Variants in ST8SIA6 observed in about 807,000 individuals in gnomAD.
ST8SIA6 encodes the protein ST8 alpha-N-acetyl-neuraminide alpha-2,8-sialyltransferase 6.
A neutral mutation model predicts 33.6 loss-of-function variants in ST8SIA6; 39 were observed. The ratio of observed to expected loss-of-function variants is 1.16; its 90% CI spans 0.90 to 1.52. The LOEUF (loss-of-function observed/expected upper bound fraction) is 1.52, where lower values mean the gene tolerates loss of function less well. Among genes scored for constraint, ST8SIA6 ranks in the 40% most tolerant of loss-of-function variants. The pLI, the probability that ST8SIA6 is intolerant of heterozygous loss-of-function variation, is 0.00. For missense variants in ST8SIA6, 441 were observed against 443.8 expected (o/e 0.99, Z 0.06); for synonymous variants, 172 against 167.2 (o/e 1.03, Z -0.22).
At chr10:17,363,461 A>G (rs567900965) in intron 3 of ST8SIA6, among the ~76,000 whole-genome samples, 4 of 152,326 alleles carry the variant, frequency 2.6e-5, no homozygotes, top group Admixed American at 6.5e-5. Context: ...GCTTGGTAGT[A>G]GTGATGTAAC....
intron 2 of ST8SIA6, among the ~76,000 whole-genome samples, chr10:17,415,734 A>C (rs924816661): frequency 1.4e-5 from 2 of 144,946 alleles, no homozygotes; most frequent in African/African-American, 2.6e-5. Flanking sequence ...GGGCTCTCTC[A>C]CCCAACATGG....
At position 17,317,396 on chromosome 10, in the gene ST8SIA6, T is replaced by A. The variant is rs1283551639; in HGVS notation, c.*3482A>T. On this transcript the variant is annotated 3_prime_UTR_variant, in exon 8 of 8. Transcript: ENST00000377602. ...GGGATCAGCCTTCTGAAGCCACATG[T>A]AAATAGGAAATCTTCAACACTCCTA... Among the ~76,000 whole-genome samples, 1 of 152,150 alleles carries A rather than the reference T, an allele frequency of 6.6e-6. No homozygotes were observed. Among genetic ancestry groups the A allele is most frequent in the Non-Finnish European group, 1.5e-5 (1 of 68,016 alleles).
chr10:17,421,786 C>T (rs962590100), intron 2 of ST8SIA6, among the ~76,000 whole-genome samples: 1 of 152,124 alleles, frequency 6.6e-6, no homozygotes, highest in Non-Finnish European at 1.5e-5. Flanking sequence ...AGGCTGGTCT[C>T]AAACTCCTGA....
At chr10:17,407,878 G>C (rs1006600815) in intron 2 of ST8SIA6, 1 of 152,426 alleles carries the variant, frequency 6.6e-6, no homozygotes, top group Admixed American at 6.5e-5. Context: ...AGAAGGGTTT[G>C]TGGGAAAAGC....
intron 2 of ST8SIA6, among the ~76,000 whole-genome samples, chr10:17,422,602 A>C (rs552555294): frequency 6.6e-6 from 1 of 152,200 alleles, no homozygotes; most frequent in Non-Finnish European, 1.5e-5. Context: ...GACATTGTCA[A>C]GGTTCAAGAC....
At chr10:17,386,781 C>A (rs1850370768) in intron 3 of ST8SIA6, among the ~76,000 whole-genome samples, 1 of 152,156 alleles carries the variant, frequency 6.6e-6, no homozygotes, top group African/African-American at 2.4e-5. Flanking sequence ...TTTACAGTCT[C>A]CCGTAAACAG....
chr10:17,453,988 T>C (rs1482614054), intron 1 of ST8SIA6, among the ~76,000 whole-genome samples, 167 bp downstream of exon 1: 1 of 151,900 alleles, frequency 6.6e-6, no homozygotes, highest in African/African-American at 2.4e-5. Flanking sequence ...GTCGCCTCCC[T>C]GCGACCCCCT....
chr10:17,333,853 A>C (rs1392823192), intron 4 of ST8SIA6, among the ~76,000 whole-genome samples: 1 of 147,776 alleles, frequency 6.8e-6, no homozygotes, highest in African/African-American at 2.5e-5. Context: ...TCCTGAGTAG[A>C]TGGGACTAAA....
At chr10:17,386,674 A>C (rs1588872085) in intron 3 of ST8SIA6, among the ~76,000 whole-genome samples, 1 of 152,232 alleles carries the variant, frequency 6.6e-6, no homozygotes, top group South Asian at 2.1e-4. Context: ...AGTGTGGAGC[A>C]ACAGGCAGTT....
chr10:17,450,348 T>C (rs1852860983), intron 2 of ST8SIA6, among the ~76,000 whole-genome samples: 1 of 152,198 alleles, frequency 6.6e-6, no homozygotes, highest in South Asian at 2.1e-4. Flanking sequence ...CATCACCCTG[T>C]AGATTAGAAG....
intron 4 of ST8SIA6, among the ~76,000 whole-genome samples, chr10:17,333,704 T>TATATATAGATATATATATATAG (rs1564405023): frequency 8.3e-4 from 25 of 30,056 alleles, no homozygotes; most frequent in African/African-American, 3.9e-3. Context: ...TATATATATA[T>TATATATAGATATATATATATAG]ATATATATAT....
chr10:17,343,483 A>G (rs1301269390), intron 4 of ST8SIA6, among the ~76,000 whole-genome samples: 1 of 152,220 alleles, frequency 6.6e-6, no homozygotes, highest in African/African-American at 2.4e-5. Context: ...TGTTATTGGT[A>G]CCTGCAGAAG....
intron 3 of ST8SIA6, among the ~76,000 whole-genome samples, chr10:17,362,467 G>A (rs1347159612): frequency 6.6e-6 from 1 of 152,150 alleles, no homozygotes; most frequent in East Asian, 1.9e-4. Flanking sequence ...TGAACCTACA[G>A]TATATTTAAA....
intron 5 of ST8SIA6, among the ~76,000 whole-genome samples, chr10:17,331,144 C>A (rs993439350): frequency 2.6e-5 from 4 of 152,080 alleles, no homozygotes; most frequent in Non-Finnish European, 5.9e-5. Flanking sequence ...AAGCAGGAAG[C>A]CCGAGTGTCT....
At position 17,381,667 on chromosome 10, in the gene ST8SIA6, T is replaced by C. The variant is rs191911145; in HGVS notation, c.290+8864A>G. Among the ~76,000 whole-genome samples the C allele has an allele frequency of 1.5e-3, 236 of 152,366 alleles. 4 individuals carry two copies. The highest frequency in any genetic ancestry group is 0.013 in the Admixed American group (204 of 15,300). On this transcript the variant is annotated intron_variant, in intron 3 of 7. Transcript: ENST00000377602. ...TATTAATCAAGCAGTTTCATACTTA[T>C]CCTTGCCAAATACTATGAGGTGTCA...
intron 2 of ST8SIA6, among the ~76,000 whole-genome samples, chr10:17,392,084 C>T (rs1180678989): frequency 6.6e-6 from 1 of 152,194 alleles, no homozygotes; most frequent in African/African-American, 2.4e-5. Context: ...GGCCCACACA[C>T]AGGTTATTTA....
chr10:17,322,151 G>A (rs1320523546), intron 7 of ST8SIA6, among the ~76,000 whole-genome samples: 1 of 146,366 alleles, frequency 6.8e-6, no homozygotes, highest in Admixed American at 6.9e-5. Context: ...GGAGAAAGAG[G>A]GAAGAAAGAG....
chr10:17,415,634 C>A (rs1225639693), intron 2 of ST8SIA6, among the ~76,000 whole-genome samples: 1 of 152,008 alleles, frequency 6.6e-6, no homozygotes, highest in Non-Finnish European at 1.5e-5. Context: ...CACGCATACA[C>A]ATAATATATG....
intron 4 of ST8SIA6, among the ~76,000 whole-genome samples, chr10:17,341,689 A>G (rs908150245): frequency 6.6e-6 from 1 of 151,914 alleles, no homozygotes; most frequent in Non-Finnish European, 1.5e-5. Context: ...TCACAAGGTC[A>G]GGAGTTCGAG....
Sources: gnomAD v4.1 joint callset for allele counts (sites outside exome capture counted in the v4.1 genomes callset) on GRCh38, gnomAD v4.1.1 for gene constraint, MANE v1.5 for transcripts, NCBI Gene and HGNC (gene_info 2026-07-23, HGNC 2026-07-21) for gene names.